The following TOP6BL variants were observed in gnomAD, a reference collection of about 807,000 sequenced individuals.
TOP6BL encodes the protein TOP6B like initiator of meiotic double strand breaks, also known as type 2 DNA topoisomerase 6 subunit B-like.
At chr11:66,753,406 CTTT>C in the TOP6BL span, among the ~76,000 whole-genome samples, 7 of 120,698 alleles carry the variant, frequency 5.8e-5, no homozygotes, top group Non-Finnish European at 5.1e-5. Flanking sequence ...AGGACTTAGT[CTTT>C]TTTTTTTTTT....
At chr11:66,752,640 A>C in the TOP6BL span, among the ~76,000 whole-genome samples, 1 of 151,796 alleles carries the variant, frequency 6.6e-6, no homozygotes, top group African/African-American at 2.4e-5. Context: ...TTTCATAGAG[A>C]TAGGGTTTCA....
chr11:66,761,896 T>A, the TOP6BL span: 4 of 1,204,592 alleles, frequency 3.3e-6, no homozygotes, highest in Non-Finnish European at 4.9e-6. Context: ...TTGCCATCAT[T>A]CTTTATAGCT....
chr11:66,816,291 T>C, the TOP6BL span: 2 of 1,305,224 alleles, frequency 1.5e-6, no homozygotes, highest in Non-Finnish European at 2.0e-6. Context: ...AAATTAGATA[T>C]ATTTCTGTAG....
chr11:66,770,426 A>C, the TOP6BL span, among the ~76,000 whole-genome samples: 5 of 152,192 alleles, frequency 3.3e-5, no homozygotes, highest in Non-Finnish European at 5.9e-5. Flanking sequence ...TAATGAGGCC[A>C]GGCACGGTGG....
the TOP6BL span, among the ~76,000 whole-genome samples, chr11:66,773,507 T>G: frequency 6.6e-6 from 1 of 152,198 alleles, no homozygotes; most frequent in African/African-American, 2.4e-5. Flanking sequence ...TCTTTCTTAC[T>G]CCCTGGTGTT....
At chr11:66,761,814 A>T in the TOP6BL span, 9 of 827,328 alleles carry the variant, frequency 1.1e-5, no homozygotes, top group Admixed American at 1.5e-4. Flanking sequence ...CTGATAGAGA[A>T]GATGTCACTC....
At chr11:66,782,922 A>G in the TOP6BL span, among the ~76,000 whole-genome samples, 1 of 152,146 alleles carries the variant, frequency 6.6e-6, no homozygotes, top group African/African-American at 2.4e-5. Flanking sequence ...CCTTATCCCC[A>G]CATGATCTCA....
the TOP6BL span, chr11:66,758,917 C>T: frequency 2.0e-6 from 1 of 495,990 alleles, no homozygotes; most frequent in Non-Finnish European, 3.4e-6. Context: ...TTTTACCAAA[C>T]TCATTAGTAG....
At chr11:66,776,083 G>A in the TOP6BL span, among the ~76,000 whole-genome samples, 1 of 150,398 alleles carries the variant, frequency 6.6e-6, no homozygotes, top group African/African-American at 2.4e-5. Flanking sequence ...TTTTGAGACA[G>A]AGTCTCACTC....
At chr11:66,821,569 T>G in the TOP6BL span, 1 of 1,498,156 alleles carries the variant, frequency 6.7e-7, no homozygotes, top group Non-Finnish European at 9.0e-7. Flanking sequence ...TCTGGTAATT[T>G]AAGACTAGCT....
chr11:66,840,607 G>A, the TOP6BL span, among the ~76,000 whole-genome samples: 2 of 152,068 alleles, frequency 1.3e-5, no homozygotes, highest in South Asian at 4.1e-4. Context: ...ACCACAAGCT[G>A]CATGCACCCT....
the TOP6BL span, chr11:66,800,763 C>A: frequency 7.4e-7 from 1 of 1,357,770 alleles, no homozygotes; most frequent in Non-Finnish European, 1.0e-6. Flanking sequence ...CTATTATTGT[C>A]CTATTTCCAA....
chr11:66,759,611 T>A, the TOP6BL span, among the ~76,000 whole-genome samples: 1 of 152,074 alleles, frequency 6.6e-6, no homozygotes, highest in Non-Finnish European at 1.5e-5. Flanking sequence ...TGAGACGGAG[T>A]CTCACTCTGT....
At chr11:66,745,038 G>C in the TOP6BL span, 1 of 1,048,826 alleles carries the variant, frequency 9.5e-7, no homozygotes, top group African/African-American at 1.6e-5. Context: ...AGGAAGGTTC[G>C]GGAATCGAGG....
the TOP6BL span, among the ~76,000 whole-genome samples, chr11:66,785,425 G>C: frequency 6.6e-6 from 1 of 152,028 alleles, no homozygotes; most frequent in African/African-American, 2.4e-5. Context: ...AAGTGCATTG[G>C]TTGATGTGTA....
chr11:66,776,208 A>G, the TOP6BL span, among the ~76,000 whole-genome samples: 77 of 151,910 alleles, frequency 5.1e-4, no homozygotes, highest in African/African-American at 1.8e-3. Flanking sequence ...ACAGGCATGC[A>G]CCACCATGCC....
At chr11:66,757,992 A>T in the TOP6BL span, 2 of 278,592 alleles carry the variant, frequency 7.2e-6, no homozygotes, top group Non-Finnish European at 1.1e-5. Context: ...CTCTCACTCT[A>T]GTTCCGTGAT....
chr11:66,817,884 T>C, the TOP6BL span, among the ~76,000 whole-genome samples: 1 of 152,306 alleles, frequency 6.6e-6, no homozygotes, highest in African/African-American at 2.4e-5. Flanking sequence ...TGAAAACCAC[T>C]GAGCATGAGC....
the TOP6BL span, among the ~76,000 whole-genome samples, chr11:66,749,616 C>G: frequency 9.5e-3 from 1,444 of 152,190 alleles, 15 homozygotes; most frequent in Middle Eastern, 0.017. Flanking sequence ...GTCGCCCAGG[C>G]TGGAGTGGCG....
Sources: allele counts gnomAD v4.1 joint callset (sites outside exome capture counted in the v4.1 genomes callset), GRCh38; gene constraint gnomAD v4.1.1; transcripts MANE v1.5; gene names NCBI Gene and HGNC (gene_info 2026-07-23, HGNC 2026-07-21).